The following PCDH7 variants were observed in gnomAD, a reference collection of about 807,000 sequenced individuals.
The protein encoded by PCDH7 is protocadherin-7.
A neutral mutation model predicts 58.9 loss-of-function variants in PCDH7; 17 were observed. The ratio of observed to expected loss-of-function variants is 0.29; its 90% CI spans 0.20 to 0.43. The LOEUF (loss-of-function observed/expected upper bound fraction) is 0.43, where lower values mean the gene tolerates loss of function less well. Ranked by LOEUF, PCDH7 falls within the 20% of genes least tolerant of loss-of-function variation. The pLI is 1.00. For synonymous variants in PCDH7, 664 were observed against 616.4 expected, an observed-to-expected ratio of 1.08 and a Z score of -1.14; for missense variants, 1,274 against 1,441.0, an observed-to-expected ratio of 0.88 and a Z score of 1.88.
At chr4:30,821,487 A>T (rs1728366849) in intron 1 of PCDH7, among the ~76,000 whole-genome samples, 1 of 152,192 alleles carries the variant, frequency 6.6e-6, no homozygotes, top group Admixed American at 6.5e-5. Context: ...AAATGAGGCT[A>T]GACTGGTTCT....
intron 3 of PCDH7, among the ~76,000 whole-genome samples, chr4:30,979,292 C>T (rs973378012): frequency 4.1e-5 from 6 of 146,492 alleles, no homozygotes; most frequent in Admixed American, 1.4e-4. Context: ...TGCCACTGCA[C>T]TCCAGCCTGG....
chr4:30,740,444 T>C (rs1012909479), intron 1 of PCDH7, among the ~76,000 whole-genome samples: 21 of 152,318 alleles, frequency 1.4e-4, no homozygotes, highest in Admixed American at 1.4e-3. Context: ...CTTCATAAAA[T>C]ATTTTTTCTT....
At chr4:31,123,838 G>A (rs1449195610) in intron 3 of PCDH7, among the ~76,000 whole-genome samples, 1 of 152,068 alleles carries the variant, frequency 6.6e-6, no homozygotes. Flanking sequence ...AGGATGGAGG[G>A]AGAAGAGTTC....
At chr4:30,902,527 A>T (rs893762149) in intron 1 of PCDH7, among the ~76,000 whole-genome samples, 24 of 152,250 alleles carry the variant, frequency 1.6e-4, no homozygotes, top group Non-Finnish European at 3.4e-4. Context: ...AGATCCAGGG[A>T]GCAGAAACAC....
chr4:30,826,028 CT>C (rs966845516), intron 1 of PCDH7, among the ~76,000 whole-genome samples: 3 of 152,042 alleles, frequency 2.0e-5, no homozygotes, highest in Non-Finnish European at 4.4e-5. Flanking sequence ...GCCATTTCTT[CT>C]TCCTTTCTTT....
chr4:31,004,524 A>G (rs1439892975), intron 3 of PCDH7, among the ~76,000 whole-genome samples: 3 of 152,052 alleles, frequency 2.0e-5, no homozygotes, highest in South Asian at 2.1e-4. Flanking sequence ...AGCCTGGCCG[A>G]CATGGTGAAA....
chr4:30,747,440 A>G (rs1717928154), intron 1 of PCDH7, among the ~76,000 whole-genome samples: 1 of 152,210 alleles, frequency 6.6e-6, no homozygotes, highest in Non-Finnish European at 1.5e-5. Context: ...GTTAAAATCA[A>G]TGTGGAGGCA....
chr4:31,097,070 A>G (rs1390136522), intron 3 of PCDH7, among the ~76,000 whole-genome samples: 1 of 152,096 alleles, frequency 6.6e-6, no homozygotes, highest in African/African-American at 2.4e-5. Context: ...GATAAAGCCA[A>G]TTTGCGCCTA....
At chr4:31,109,882 G>A (rs531797729) in intron 3 of PCDH7, among the ~76,000 whole-genome samples, 5 of 152,270 alleles carry the variant, frequency 3.3e-5, no homozygotes, top group African/African-American at 9.6e-5. Context: ...CTATACATAG[G>A]CAGACGCTGT....
intron 3 of PCDH7, among the ~76,000 whole-genome samples, chr4:31,108,676 G>C (rs1366454397): frequency 2.0e-5 from 3 of 152,118 alleles, no homozygotes; most frequent in Non-Finnish European, 2.9e-5. Context: ...GAAGATGGCT[G>C]GTGTAAAGCA....
intron 1 of PCDH7, among the ~76,000 whole-genome samples, chr4:30,782,238 T>C (rs1326681385): frequency 1.3e-5 from 2 of 152,158 alleles, no homozygotes; most frequent in African/African-American, 4.8e-5. Flanking sequence ...ATGCCAAAAA[T>C]GGAGATATCT....
At chr4:30,894,955 G>T (rs1739216848) in intron 1 of PCDH7, among the ~76,000 whole-genome samples, 1 of 151,664 alleles carries the variant, frequency 6.6e-6, no homozygotes, top group African/African-American at 2.4e-5. Flanking sequence ...AAATTTGTAA[G>T]TGCTAAATCA....
At chr4:31,069,934 C>T (rs1758411652) in intron 3 of PCDH7, among the ~76,000 whole-genome samples, 1 of 122,294 alleles carries the variant, frequency 8.2e-6, no homozygotes, top group Non-Finnish European at 1.8e-5. Flanking sequence ...GAAGTTTGAC[C>T]CTTTTAAAAG....
chr4:30,845,585 G>C (rs753488456), intron 1 of PCDH7, among the ~76,000 whole-genome samples: 20 of 152,058 alleles, frequency 1.3e-4, no homozygotes, highest in African/African-American at 3.1e-4. Context: ...AAATAGGATG[G>C]TTTACTGTGT....
rs141829178 is a variant in PCDH7, at chr4:30,837,280, C to T, written c.71-82873C>T. Among the ~76,000 whole-genome samples the T allele has an allele frequency of 2.1e-3, 321 of 152,076 alleles. 1 individual carries two copies. The highest frequency in any genetic ancestry group is 6.0e-3 in the African/African-American group (248 of 41,498). On this transcript the variant is annotated intron_variant, in intron 1 of 3. Transcript: ENST00000509759. Reference sequence around the variant, plus strand: ...GCAGTGTGTGGTAATGCCCTTTTAACGTTCTATCCAGGGCCCTGCATGGAC... The same window carrying T: ...GCAGTGTGTGGTAATGCCCTTTTAATGTTCTATCCAGGGCCCTGCATGGAC...
At chr4:31,079,586 G>T (rs921489089) in intron 3 of PCDH7, among the ~76,000 whole-genome samples, 1 of 145,788 alleles carries the variant, frequency 6.9e-6, no homozygotes, top group Non-Finnish European at 1.5e-5. Context: ...TTCATATACT[G>T]TTTTTTTTTT....
intron 1 of PCDH7, among the ~76,000 whole-genome samples, chr4:30,751,990 A>AT (rs1380488556): frequency 6.6e-6 from 1 of 152,102 alleles, no homozygotes; most frequent in Non-Finnish European, 1.5e-5. Flanking sequence ...GTAGAATAAG[A>AT]TTTTTTCTCT....
chr4:30,857,399 A>T (rs1027256680), intron 1 of PCDH7, among the ~76,000 whole-genome samples: 1 of 152,124 alleles, frequency 6.6e-6, no homozygotes, highest in Non-Finnish European at 1.5e-5. Flanking sequence ...ACAGCCCTTT[A>T]ACCTTTATAA....
At chr4:31,016,913 G>C (rs1227393551) in intron 3 of PCDH7, among the ~76,000 whole-genome samples, 4 of 149,990 alleles carry the variant, frequency 2.7e-5, no homozygotes, top group Non-Finnish European at 4.5e-5. Flanking sequence ...TGTGTGTGCT[G>C]TGTGTGTGTA....
Sources: gnomAD v4.1 joint callset for allele counts (sites outside exome capture counted in the v4.1 genomes callset) on GRCh38, gnomAD v4.1.1 for gene constraint, MANE v1.5 for transcripts, NCBI Gene and HGNC (gene_info 2026-07-23, HGNC 2026-07-21) for gene names.